The following CCDC178 variants were observed in gnomAD, a reference collection of about 807,000 sequenced individuals.
CCDC178 encodes coiled-coil domain containing 178.
In CCDC178, 126 loss-of-function variants were observed where a neutral mutation model predicts 117.4. The ratio of observed to expected loss-of-function variants is 1.07; its 90% CI spans 0.93 to 1.24. CCDC178 has a LOEUF of 1.24. Among genes scored for constraint, CCDC178 ranks in the 50% most tolerant of loss-of-function variants. CCDC178 has a pLI of 0.00. For missense variants in CCDC178, 1,030 were observed against 986.9 expected, an observed-to-expected ratio of 1.04 and a Z score of -0.59; for synonymous variants, 283 against 313.4, an observed-to-expected ratio of 0.90 and a Z score of 1.02.
At chr18:33,114,138 T>A (rs1302207204) in intron 20 of CCDC178, among the ~76,000 whole-genome samples, 2 of 152,088 alleles carry the variant, frequency 1.3e-5, no homozygotes. Context: ...TCCACCCTCA[T>A]CTTTGCTACC....
At chr18:33,395,334 CA>C (rs1215952829) in intron 4 of CCDC178, among the ~76,000 whole-genome samples, 2 of 151,694 alleles carry the variant, frequency 1.3e-5, no homozygotes, top group Non-Finnish European at 2.9e-5. Flanking sequence ...GCCTATAGCA[CA>C]AAAAATTAGA....
At chr18:33,191,749 C>T (rs1398723118) in intron 20 of CCDC178, among the ~76,000 whole-genome samples, 1 of 151,862 alleles carries the variant, frequency 6.6e-6, no homozygotes, top group Admixed American at 6.6e-5. Context: ...TAAACTCTTT[C>T]CATGAATAAT....
At chr18:33,284,734 A>G (rs1167288518) in intron 12 of CCDC178, among the ~76,000 whole-genome samples, 1 of 152,178 alleles carries the variant, frequency 6.6e-6, no homozygotes, top group East Asian at 1.9e-4. Flanking sequence ...TGAGGGTTGT[A>G]AGGAAGAAAA....
chr18:33,002,582 G>A (rs1036242302), intron 21 of CCDC178, among the ~76,000 whole-genome samples: 1 of 151,830 alleles, frequency 6.6e-6, no homozygotes, highest in African/African-American at 2.4e-5. Context: ...CATCAAACAT[G>A]AGAAAAACTT....
chr18:33,355,534 G>T (rs1055963598), intron 7 of CCDC178, among the ~76,000 whole-genome samples: 2 of 152,208 alleles, frequency 1.3e-5, no homozygotes, highest in African/African-American at 4.8e-5. Context: ...TCAGCCAGAA[G>T]TAAGATTAGG....
intron 2 of CCDC178, among the ~76,000 whole-genome samples, chr18:33,417,274 T>G (rs958978343): frequency 6.6e-6 from 1 of 152,180 alleles, no homozygotes; most frequent in Admixed American, 6.5e-5. Flanking sequence ...AGGAAGACTA[T>G]TGATACATGC....
At chr18:32,974,045 A>T (rs532199378) in intron 22 of CCDC178, among the ~76,000 whole-genome samples, 2 of 152,212 alleles carry the variant, frequency 1.3e-5, no homozygotes, top group African/African-American at 2.4e-5. Context: ...TCTCACATGC[A>T]TCTAGAACCA....
At chr18:33,275,129 A>G (rs2144798414) in intron 12 of CCDC178, among the ~76,000 whole-genome samples, 1 of 152,232 alleles carries the variant, frequency 6.6e-6, no homozygotes, top group South Asian at 2.1e-4. Flanking sequence ...TTACTTTGCT[A>G]TCAGGCAGGA....
intron 21 of CCDC178, among the ~76,000 whole-genome samples, chr18:33,070,562 T>C (rs985172950): frequency 4.6e-5 from 7 of 151,974 alleles, no homozygotes; most frequent in African/African-American, 1.4e-4. Context: ...AGTACAAACA[T>C]ACAGTTACCT....
At chr18:33,159,458 G>C (rs2058438305) in intron 20 of CCDC178, among the ~76,000 whole-genome samples, 1 of 152,088 alleles carries the variant, frequency 6.6e-6, no homozygotes, top group South Asian at 2.1e-4. Context: ...CTAAAATCAA[G>C]AGGTTAGCAG....
chr18:33,133,832 A>G (rs1033960851), intron 20 of CCDC178, among the ~76,000 whole-genome samples: 3 of 152,022 alleles, frequency 2.0e-5, no homozygotes, highest in Non-Finnish European at 2.9e-5. Flanking sequence ...TAATGATCAG[A>G]AAACATTAAT....
intron 2 of CCDC178, among the ~76,000 whole-genome samples, chr18:33,430,520 C>G (rs2064197513): frequency 6.6e-6 from 1 of 151,944 alleles, no homozygotes; most frequent in African/African-American, 2.4e-5. Flanking sequence ...TAAAATCATT[C>G]CTTTTGCCTC....
chr18:33,048,650 T>C (rs1006023423), intron 21 of CCDC178, among the ~76,000 whole-genome samples: 6 of 152,188 alleles, frequency 3.9e-5, no homozygotes, highest in African/African-American at 1.4e-4. Context: ...TACAGATGTT[T>C]TCCCTGTATA....
chr18:32,968,864 A>G (rs564010122), intron 22 of CCDC178, among the ~76,000 whole-genome samples: 48 of 152,096 alleles, frequency 3.2e-4, no homozygotes, highest in African/African-American at 1.1e-3. Context: ...GTGATTTTAA[A>G]TTTCTGTTGT....
At chr18:33,378,246 A>T (rs2063390573) in intron 5 of CCDC178, among the ~76,000 whole-genome samples, 3 of 152,332 alleles carry the variant, frequency 2.0e-5, no homozygotes, top group African/African-American at 7.2e-5. Flanking sequence ...TTTCAGCGTG[A>T]ACATTCTTGG....
intron 12 of CCDC178, among the ~76,000 whole-genome samples, chr18:33,282,670 C>A (rs1030417940): frequency 1.3e-5 from 2 of 152,178 alleles, no homozygotes; most frequent in Non-Finnish European, 2.9e-5. Context: ...GGGCTCATGG[C>A]AACTCACCAC....
intron 12 of CCDC178, among the ~76,000 whole-genome samples, chr18:33,290,558 C>T (rs999208334): frequency 6.6e-6 from 1 of 152,016 alleles, no homozygotes; most frequent in Non-Finnish European, 1.5e-5. Flanking sequence ...TAAGTGGATA[C>T]AGTTTCAATC....
chr18:33,035,060 G>A (rs2056417773), intron 21 of CCDC178, among the ~76,000 whole-genome samples: 1 of 151,964 alleles, frequency 6.6e-6, no homozygotes, highest in Non-Finnish European at 1.5e-5. Flanking sequence ...GTTTGGGAGT[G>A]TATGAGTAGA....
intron 11 of CCDC178, among the ~76,000 whole-genome samples, chr18:33,314,200 CAAAAAAAAAAAAAAAAAAA>C (rs869127341): frequency 0.012 from 721 of 62,474 alleles, 24 homozygotes; most frequent in Admixed American, 0.051. Flanking sequence ...GACTCCGTCT[CAAAAAAAAAAAAAAAAAAA>C]AAAAAAAAAA....
Sources: gnomAD v4.1 joint callset for allele counts (sites outside exome capture counted in the v4.1 genomes callset) on GRCh38, gnomAD v4.1.1 for gene constraint, MANE v1.5 for transcripts, NCBI Gene and HGNC (gene_info 2026-07-23, HGNC 2026-07-21) for gene names.